The following RGS20 variants were observed in gnomAD, a reference collection of about 807,000 sequenced individuals.
RGS20 encodes the protein gz-selective GTPase-activating protein.
RGS20 carries 30 observed loss-of-function variants against 33.6 expected under a neutral mutation model. That is an observed-to-expected ratio of 0.89 (90% CI 0.67 to 1.21). The LOEUF (loss-of-function observed/expected upper bound fraction) is 1.21, where lower values mean the gene tolerates loss of function less well. Ranked by LOEUF, RGS20 falls within the 50% of genes most tolerant of loss-of-function variation. RGS20 has a pLI of 0.00. For synonymous variants in RGS20, 208 were observed against 197.9 expected (o/e 1.05, Z -0.43); for missense variants, 472 against 502.4 (o/e 0.94, Z 0.58).
chr8:53,865,564 T>G (rs1369484521), intron 1 of RGS20, among the ~76,000 whole-genome samples: 6 of 152,216 alleles, frequency 3.9e-5, no homozygotes, highest in Non-Finnish European at 4.4e-5. Context: ...ATTAAGTACA[T>G]GTTATATCCC....
chr8:53,906,233 G>A (rs1176728311), intron 2 of RGS20, among the ~76,000 whole-genome samples: 11 of 152,044 alleles, frequency 7.2e-5, no homozygotes, highest in South Asian at 2.1e-4. Context: ...AAAATTAGCC[G>A]AGCATGGTGG....
chr8:53,855,876 G>A (rs888667458), intron 1 of RGS20, among the ~76,000 whole-genome samples: 1 of 152,118 alleles, frequency 6.6e-6, no homozygotes, highest in South Asian at 2.1e-4. Context: ...TGGCTCCTTG[G>A]GTTAATAGCA....
intron 2 of RGS20, chr8:53,880,436 G>GC (rs1300170774): frequency 2.0e-5 from 3 of 152,944 alleles, no homozygotes; most frequent in African/African-American, 7.2e-5. Flanking sequence ...TCAGAGAGGC[G>GC]CCCCGGGCCG....
At chr8:53,947,384 TA>T (rs1814532528) in intron 4 of RGS20, among the ~76,000 whole-genome samples, 1 of 79,462 alleles carries the variant, frequency 1.3e-5, no homozygotes, top group Non-Finnish European at 2.8e-5. Flanking sequence ...ATAGTATATT[TA>T]TATATGCTAT....
intron 3 of RGS20, chr8:53,945,349 C>T (rs1814442816): frequency 6.6e-6 from 1 of 152,154 alleles, no homozygotes; most frequent in Admixed American, 6.6e-5. Context: ...TGAAAGGAGA[C>T]AGCCAGCAAA....
chr8:53,871,112 C>CAAAAAAAAA (rs370091533), intron 1 of RGS20, among the ~76,000 whole-genome samples: 3 of 21,470 alleles, frequency 1.4e-4, no homozygotes, highest in African/African-American at 2.2e-4. Context: ...CTCCATCTCA[C>CAAAAAAAAA]AAAAAAAAAA....
At chr8:53,866,918 C>CGT (rs958109012) in intron 1 of RGS20, among the ~76,000 whole-genome samples, 18 of 152,054 alleles carry the variant, frequency 1.2e-4, no homozygotes, top group African/African-American at 4.3e-4. Flanking sequence ...GGGGTTTGGA[C>CGT]GTGTGTGTGT....
At chr8:53,944,788 A>G (rs769893902) in intron 3 of RGS20, among the ~76,000 whole-genome samples, 7 of 152,180 alleles carry the variant, frequency 4.6e-5, no homozygotes, top group African/African-American at 4.8e-5. Context: ...CAAATAAATC[A>G]ATTTAGAAAT....
At chr8:53,938,965 T>C (rs369896552) in intron 2 of RGS20, among the ~76,000 whole-genome samples, 4 of 152,310 alleles carry the variant, frequency 2.6e-5, no homozygotes, top group East Asian at 3.9e-4. Flanking sequence ...CTGGGAATAA[T>C]TGAGCAATTG....
intron 2 of RGS20, among the ~76,000 whole-genome samples, chr8:53,880,622 C>G (rs1812334792): frequency 1.3e-5 from 2 of 152,154 alleles, no homozygotes; most frequent in East Asian, 1.9e-4. Flanking sequence ...CCCCGCGCGC[C>G]GAGGGGAGGC....
intron 3 of RGS20, among the ~76,000 whole-genome samples, chr8:53,944,452 C>T (rs1044985661): frequency 2.6e-5 from 4 of 151,340 alleles, no homozygotes; most frequent in African/African-American, 9.7e-5. Context: ...GGAGGAGAAT[C>T]ACTTAAACCC....
intron 2 of RGS20, among the ~76,000 whole-genome samples, chr8:53,917,508 C>T (rs1813523940): frequency 6.6e-6 from 1 of 152,192 alleles, no homozygotes; most frequent in Admixed American, 6.5e-5. Context: ...TTATATTAAA[C>T]TCCTGTTAAA....
intron 4 of RGS20, among the ~76,000 whole-genome samples, chr8:53,953,021 A>G (rs373134740): frequency 7.2e-5 from 11 of 152,194 alleles, no homozygotes; most frequent in Non-Finnish European, 1.5e-4. Flanking sequence ...TGGCGCATTC[A>G]TAAGTGTTCA....
intron 2 of RGS20, chr8:53,881,023 CGGCG>C: frequency 6.3e-7 from 1 of 1,593,980 alleles, no homozygotes; most frequent in Non-Finnish European, 8.5e-7. Context: ...CGCATGCGCA[CGGCG>C]GACGGAGGCG....
At chr8:53,909,394 C>T (rs980101746) in intron 2 of RGS20, among the ~76,000 whole-genome samples, 1 of 151,244 alleles carries the variant, frequency 6.6e-6, no homozygotes, top group African/African-American at 2.4e-5. Context: ...GGACTATAGG[C>T]CCGCACCACC....
At chr8:53,882,339 T>C (rs1585883056) in intron 2 of RGS20, among the ~76,000 whole-genome samples, 1 of 152,086 alleles carries the variant, frequency 6.6e-6, no homozygotes, top group Admixed American at 6.5e-5. Context: ...CATCGTGAGC[T>C]TCCCGGACTT....
intron 2 of RGS20, among the ~76,000 whole-genome samples, chr8:53,889,534 C>A (rs1812654101): frequency 6.8e-6 from 1 of 147,098 alleles, no homozygotes; most frequent in Admixed American, 6.9e-5. Flanking sequence ...TGTCCACCAC[C>A]ACACTCAACT....
chr8:53,858,912 A>AAAC (rs1585859081), intron 1 of RGS20, among the ~76,000 whole-genome samples: 1 of 141,808 alleles, frequency 7.1e-6, no homozygotes, highest in Non-Finnish European at 1.5e-5. Context: ...AAAAAAAAAA[A>AAAC]CCGCGGGGGG....
chr8:53,860,156 A>C (rs1369466177), intron 1 of RGS20, among the ~76,000 whole-genome samples: 1 of 152,236 alleles, frequency 6.6e-6, no homozygotes, highest in East Asian at 1.9e-4. Context: ...TGAAAAATGA[A>C]ATTTTAAGAT....
Sources: gnomAD v4.1 joint callset for allele counts (sites outside exome capture counted in the v4.1 genomes callset) on GRCh38, gnomAD v4.1.1 for gene constraint, MANE v1.5 for transcripts, NCBI Gene and HGNC (gene_info 2026-07-23, HGNC 2026-07-21) for gene names.